The following HS6ST3 variants were observed in gnomAD, a reference collection of about 807,000 sequenced individuals.
HS6ST3 encodes heparan sulfate 6-O-sulfotransferase 3.
A neutral mutation model predicts 36.7 loss-of-function variants in HS6ST3; 12 were observed. The ratio of observed to expected loss-of-function variants is 0.33; its 90% CI spans 0.21 to 0.53. HS6ST3 has a LOEUF of 0.53. HS6ST3 is among the 20% of genes least tolerant of loss of function. The probability of loss-of-function intolerance (pLI) is 0.95; values close to 1 mark genes in which losing one functional copy is unlikely to be tolerated. For synonymous variants in HS6ST3, 240 were observed against 257.5 expected (o/e 0.93, Z 0.65); for missense variants, 584 against 640.9 (o/e 0.91, Z 0.96).
intron 1 of HS6ST3, among the ~76,000 whole-genome samples, chr13:96,279,181 A>G (rs2054762752): frequency 6.6e-6 from 1 of 152,196 alleles, no homozygotes; most frequent in Non-Finnish European, 1.5e-5. Flanking sequence ...TTGAATAGCC[A>G]AAGTTCACAC....
chr13:96,605,467 G>C (rs530436912), intron 1 of HS6ST3, among the ~76,000 whole-genome samples: 65 of 152,036 alleles, frequency 4.3e-4, no homozygotes, highest in African/African-American at 1.5e-3. Flanking sequence ...ACTTCACAGA[G>C]CTTTCTATAA....
intron 1 of HS6ST3, among the ~76,000 whole-genome samples, chr13:96,527,374 G>T (rs1439600037): frequency 6.6e-6 from 1 of 152,134 alleles, no homozygotes; most frequent in Non-Finnish European, 1.5e-5. Flanking sequence ...CGGATAATAA[G>T]TATTTATTGA....
chr13:96,477,313 A>G (rs577274407), intron 1 of HS6ST3, among the ~76,000 whole-genome samples: 2 of 152,354 alleles, frequency 1.3e-5, no homozygotes, highest in African/African-American at 4.8e-5. Context: ...CCTTTCAGTC[A>G]TCAAACTCCT....
At chr13:96,142,362 T>A (rs1875614295) in intron 1 of HS6ST3, among the ~76,000 whole-genome samples, 1 of 152,202 alleles carries the variant, frequency 6.6e-6, no homozygotes, top group Non-Finnish European at 1.5e-5. Context: ...GGATAAGTCA[T>A]TCTCCTGGAA....
intron 1 of HS6ST3, among the ~76,000 whole-genome samples, chr13:96,747,158 G>A (rs1451703708): frequency 6.6e-6 from 1 of 152,010 alleles, no homozygotes; most frequent in East Asian, 1.9e-4. Context: ...CTTTTAAGTG[G>A]GATGTTGTTA....
intron 1 of HS6ST3, among the ~76,000 whole-genome samples, chr13:96,377,119 CT>C (rs1566342365): frequency 6.7e-6 from 1 of 149,986 alleles, no homozygotes; most frequent in Non-Finnish European, 1.5e-5. Context: ...AATCTGAGCA[CT>C]TTGGGAGGCT....
chr13:96,254,496 TATACACATACATAC>T (rs1484917851), intron 1 of HS6ST3, among the ~76,000 whole-genome samples: 687 of 21,866 alleles, frequency 0.031, 63 homozygotes, highest in Non-Finnish European at 0.044. Context: ...TATATATATA[TATACACATACATAC>T]ACACACACAC....
intron 1 of HS6ST3, among the ~76,000 whole-genome samples, chr13:96,201,636 A>G (rs1292697523): frequency 2.6e-5 from 4 of 152,206 alleles, no homozygotes; most frequent in Non-Finnish European, 4.4e-5. Flanking sequence ...TCTGCCTAGA[A>G]GAATTCTAAA....
At chr13:96,705,584 C>G (rs1361619476) in intron 1 of HS6ST3, among the ~76,000 whole-genome samples, 3 of 152,192 alleles carry the variant, frequency 2.0e-5, no homozygotes, top group Non-Finnish European at 4.4e-5. Flanking sequence ...GATGGTCCTT[C>G]TATGGGCCCA....
At chr13:96,764,269 G>A (rs564239651) in intron 1 of HS6ST3, among the ~76,000 whole-genome samples, 2 of 152,310 alleles carry the variant, frequency 1.3e-5, no homozygotes, top group Admixed American at 6.5e-5. Context: ...AAACTAGACT[G>A]TAGTTTGAAA....
At chr13:96,184,027 C>G (rs369243573) in intron 1 of HS6ST3, among the ~76,000 whole-genome samples, 2 of 151,724 alleles carry the variant, frequency 1.3e-5, no homozygotes, top group East Asian at 1.9e-4. Context: ...ATGGTAAAAC[C>G]CTGTCTCTAC....
chr13:96,814,248 CTGAT>C (rs1878376500), intron 1 of HS6ST3, among the ~76,000 whole-genome samples: 1 of 152,090 alleles, frequency 6.6e-6, no homozygotes, highest in Admixed American at 6.6e-5. Flanking sequence ...AGCAAATACT[CTGAT>C]TGTATTACTA....
intron 1 of HS6ST3, among the ~76,000 whole-genome samples, chr13:96,681,780 C>T (rs1382636159): frequency 6.6e-6 from 1 of 152,086 alleles, no homozygotes; most frequent in Non-Finnish European, 1.5e-5. Context: ...AGTTTTTAAA[C>T]CACTAAGTCT....
Position 96,179,623 on chromosome 13 carries a change from A to G in HS6ST3, c.707+88054A>G, listed in dbSNP as rs953795995. 5.3e-5 allele frequency among the ~76,000 whole-genome samples: 8 copies of G among 152,302 alleles called. No homozygotes were observed. In the East Asian group the frequency reaches 1.5e-3, roughly 29 times the overall value. ...CCTCTTCTTCTCCTTTTGGGCCAACATGCGGGAGACTATTACTAAGTCAGT... is the reference window on the plus strand; with the variant it reads ...CCTCTTCTTCTCCTTTTGGGCCAACGTGCGGGAGACTATTACTAAGTCAGT... On this transcript the variant is annotated intron_variant, in intron 1 of 1. Transcript: ENST00000376705.
chr13:96,549,547 A>G (rs1309094523), intron 1 of HS6ST3, among the ~76,000 whole-genome samples: 1 of 152,190 alleles, frequency 6.6e-6, no homozygotes, highest in Non-Finnish European at 1.5e-5. Context: ...TTTAAAGTGA[A>G]TGCTCTTTAG....
chr13:96,675,602 A>T (rs948000528), intron 1 of HS6ST3, among the ~76,000 whole-genome samples: 1 of 152,148 alleles, frequency 6.6e-6, no homozygotes, highest in East Asian at 1.9e-4. Flanking sequence ...ATTGAATTTT[A>T]CCTTTGGAAT....
chr13:96,317,363 TA>T, intron 1 of HS6ST3, among the ~76,000 whole-genome samples: 1 of 19,424 alleles, frequency 5.1e-5, no homozygotes, highest in African/African-American at 2.1e-4. Flanking sequence ...TATATATATA[TA>T]TATAAAATTA....
intron 1 of HS6ST3, among the ~76,000 whole-genome samples, chr13:96,739,252 TGTG>T: frequency 6.6e-6 from 1 of 150,994 alleles, no homozygotes; most frequent in Non-Finnish European, 1.5e-5. Context: ...TGTGTGTGTG[TGTG>T]TGTGTGTGTG....
chr13:96,242,027 C>T (rs1308908377), intron 1 of HS6ST3, among the ~76,000 whole-genome samples: 26 of 151,732 alleles, frequency 1.7e-4, no homozygotes, highest in African/African-American at 4.8e-4. Context: ...CCTCGTGATC[C>T]GCCCGCCTCG....
Sources: allele counts gnomAD v4.1 joint callset (sites outside exome capture counted in the v4.1 genomes callset), GRCh38; gene constraint gnomAD v4.1.1; transcripts MANE v1.5; gene names NCBI Gene and HGNC (gene_info 2026-07-23, HGNC 2026-07-21).